RBBP5: variants seen among roughly 807,000 people sequenced by gnomAD.
RBBP5 encodes RB binding protein 5, histone lysine methyltransferase complex subunit.
In RBBP5, 5 loss-of-function variants were observed where a neutral mutation model predicts 72.2. The ratio of observed to expected loss-of-function variants is 0.07; its 90% confidence interval spans 0.04 to 0.15. The LOEUF is 0.15. RBBP5 is among the 10% of genes least tolerant of loss of function. RBBP5 has a pLI of 1.00. For synonymous variants in RBBP5, 209 were observed against 237.2 expected (o/e 0.88, Z 1.09); for missense variants, 322 against 652.2 (o/e 0.49, Z 5.51).
chr1:205,095,561 CA>C (rs1655579581), intron 12 of RBBP5, among the ~76,000 whole-genome samples: 1 of 152,076 alleles, frequency 6.6e-6, no homozygotes, highest in South Asian at 2.1e-4. Context: ...CTAATACTAT[CA>C]AACCAAGCCA....
At chr1:205,101,990 G>A (rs191351402) in intron 5 of RBBP5, among the ~76,000 whole-genome samples, 225 of 151,154 alleles carry the variant, frequency 1.5e-3, no homozygotes, top group African/African-American at 5.2e-3. Flanking sequence ...TCTGCCTCCT[G>A]GGTTCAAGCA....
Position 205,098,973 on chromosome 1 carries a change from A to G in RBBP5, c.1096+16T>C, listed in dbSNP as rs779147043. 1 of 1,471,148 alleles carries G rather than the reference A, an allele frequency of 6.8e-7. No homozygotes were observed. The highest frequency in any genetic ancestry group is 1.3e-5 in the South Asian group (1 of 75,354). The allele number at this position is 1,471,148 out of a possible 1,614,324, so 91.1% of individuals were successfully genotyped here. A position where few individuals can be genotyped will look rare whatever the true frequency, so the allele number is the denominator to read the frequency against. On this transcript the variant is annotated intron_variant, in intron 10 of 13. Transcript: ENST00000264515. The stretch of plus-strand genomic sequence containing the variant: ...TTTCCCTTTAGGAAATCCTGTCTGC[A>G]ATTTAGAAATAGTACCTGTCTGCTC...
chr1:205,099,640 C>T lies in RBBP5; in HGVS notation c.978+101G>A. ...TAATTTAGGTTGCGAGAATCATATG[C>T]AAAAGAAAATAAAAATGTAATTTTT... On this transcript the variant is annotated intron_variant, in intron 9 of 13. Coordinates refer to ENST00000264515, the MANE Select transcript of RBBP5 (RefSeq NM_005057.4). This position sits in a 1 kb window ranked among gnomAD's most constrained non-coding sequence, Gnocchi z 4.7. 7.9e-7 allele frequency: 1 copy of T among 1,265,698 alleles called. No individual in the cohort carries two copies. The highest frequency in any genetic ancestry group is 1.5e-5 in the African/African-American group (1 of 66,308). The allele number at this position is 1,265,698 out of a possible 1,614,324, so 78.4% of individuals were successfully genotyped here. A position where few individuals can be genotyped will look rare whatever the true frequency, so the allele number is the denominator to read the frequency against.
intron 13 of RBBP5, among the ~76,000 whole-genome samples, chr1:205,089,742 T>C (rs1655266739): frequency 6.6e-6 from 1 of 152,252 alleles, no homozygotes; most frequent in Non-Finnish European, 1.5e-5. Flanking sequence ...AAATCAAATT[T>C]AAACTTTTCC....
In RBBP5 at chr1:205,097,365, T is replaced by C; in HGVS notation, c.1127A>G (p.Asp376Gly). ...GADAAEDEEV[D>G]VTSVDPIAAF... ...AGCAATAGGGTCCACGCTGGTGACA[T>C]CCACTTCCTCATCTTCTGCAGCATC... The change falls in exon 11 of 14, where the codon GAT becomes GGT. Residue 376 changes from aspartate to glycine, a missense_variant. Physicochemically the swap from Asp to Gly is moderately conservative, Grantham distance 94. Transcript: ENST00000264515. 1 of 1,552,516 alleles carries C rather than the reference T, an allele frequency of 6.4e-7. No individual in the cohort carries two copies. The highest frequency in any genetic ancestry group is 8.7e-7 in the Non-Finnish European group (1 of 1,147,316).
At chr1:205,121,279 T>G (rs1656727217) in intron 1 of RBBP5, among the ~76,000 whole-genome samples, 1 of 152,194 alleles carries the variant, frequency 6.6e-6, no homozygotes, top group Non-Finnish European at 1.5e-5. Context: ...CACACCTCAG[T>G]GTTTTACACA....
At chr1:205,108,157 C>T (rs1379207070) in intron 3 of RBBP5, among the ~76,000 whole-genome samples, 1 of 151,440 alleles carries the variant, frequency 6.6e-6, no homozygotes, top group Non-Finnish European at 1.5e-5. Flanking sequence ...GCTGGAGAAT[C>T]ACTTGAACTT....
At chr1:205,109,364 T>C (rs928534581) in intron 3 of RBBP5, among the ~76,000 whole-genome samples, 1 of 152,066 alleles carries the variant, frequency 6.6e-6, no homozygotes, top group Non-Finnish European at 1.5e-5. Flanking sequence ...ATACACATTA[T>C]ATCAGAAATA....
rs936634975 is a variant in RBBP5 at position 205,087,807 on chromosome 1, T to C, written c.*980A>G. The C allele has an allele frequency of 6.6e-6, 1 of 152,488 alleles. No individual in the cohort carries two copies. Among genetic ancestry groups the C allele is most frequent in the Non-Finnish European group, 1.5e-5 (1 of 68,014 alleles). The allele number at this position is 152,488 out of a possible 1,614,324, so 9.4% of individuals were successfully genotyped here. ...ACACAGTAAGAAAAAGGAGCACAGG[T>C]ATAGGCAGGGAAAAATGCAATGACT... On this transcript the variant is annotated 3_prime_UTR_variant, in exon 14 of 14. Transcript: ENST00000264515.
At position 205,092,182 on chromosome 1, in the gene RBBP5, T is replaced by C. The variant is rs1327203508; in HGVS notation, c.1588+2691A>G. On this transcript the variant is annotated intron_variant, in intron 13 of 13. Transcript: ENST00000264515. ...TCTGTGATATCCAATTTCATCACTC[T>C]CCCCAAAATTTTCAACCTTCACAAA... is the stretch of plus-strand genomic sequence containing the variant. Among the ~76,000 whole-genome samples, 4 of 152,312 alleles carry C rather than the reference T, an allele frequency of 2.6e-5. No homozygotes were observed. In the East Asian group the frequency reaches 7.7e-4, roughly 29 times the overall value.
intron 12 of RBBP5, among the ~76,000 whole-genome samples, chr1:205,095,345 C>A (rs1457551737): frequency 7.0e-6 from 1 of 142,952 alleles, no homozygotes; most frequent in Non-Finnish European, 1.5e-5. Context: ...AACACAAATT[C>A]ATAAATTTTC....
intron 13 of RBBP5, among the ~76,000 whole-genome samples, chr1:205,092,414 G>T (rs1010335455): frequency 6.6e-6 from 1 of 151,860 alleles, no homozygotes; most frequent in African/African-American, 2.4e-5. Context: ...CTCCCCAAGT[G>T]CTGGGATTAC....
chr1:205,096,663 G>A lies in RBBP5; in HGVS notation c.1396+19C>T, dbSNP rs770185741. On this transcript the variant is annotated intron_variant, in intron 12 of 13. Coordinates refer to ENST00000264515, the MANE Select transcript of RBBP5 (RefSeq NM_005057.4). ...AAAGTGGCGTCTGCCAGGCCAGAGG[G>A]AGAAGATGTAGCTCTTACCATCATT... The A allele has an allele frequency of 3.0e-5, 48 of 1,606,900 alleles. No individual in the cohort carries two copies. The highest frequency in any genetic ancestry group is 5.4e-5 in the African/African-American group (4 of 74,644).
intron 13 of RBBP5, among the ~76,000 whole-genome samples, chr1:205,089,090 A>T (rs1159597382): frequency 6.6e-6 from 1 of 152,222 alleles, no homozygotes; most frequent in African/African-American, 2.4e-5. Context: ...ATTTTTTCTA[A>T]GCTGCTAACC....
Position 205,117,895 on chromosome 1 carries a change from T to C in RBBP5, c.20-2012A>G, listed in dbSNP as rs186567471. 1.1e-3 allele frequency among the ~76,000 whole-genome samples: 164 copies of C among 152,134 alleles called. 1 individual carries two copies. Among genetic ancestry groups the C allele is most frequent in the African/African-American group, 3.7e-3 (154 of 41,540 alleles). On this transcript the variant is annotated intron_variant, in intron 1 of 13. Transcript: ENST00000264515. ...AATGATGTTGGCTCCCTCCAACCTCTGCCTCACAGGTTTAAGTGATTCTCC... is the reference window on the plus strand; with the variant it reads ...AATGATGTTGGCTCCCTCCAACCTCCGCCTCACAGGTTTAAGTGATTCTCC...
chr1:205,105,798 C>T (rs1026251276), intron 3 of RBBP5, among the ~76,000 whole-genome samples: 2 of 152,154 alleles, frequency 1.3e-5, no homozygotes, highest in African/African-American at 2.4e-5. Flanking sequence ...CCAGTGGGCA[C>T]GCATAAAAAG....
intron 13 of RBBP5, among the ~76,000 whole-genome samples, chr1:205,090,918 C>T (rs1283419059): frequency 6.6e-6 from 1 of 151,486 alleles, no homozygotes; most frequent in East Asian, 1.9e-4. Flanking sequence ...AAAAAGAAAA[C>T]AAAACTACCA....
At chr1:205,118,330 G>A (rs546334316) in intron 1 of RBBP5, among the ~76,000 whole-genome samples, 15 of 152,112 alleles carry the variant, frequency 9.9e-5, no homozygotes, top group East Asian at 3.9e-4. Context: ...AGAAAATATC[G>A]GCCAGGTGCA....
chr1:205,120,922 C>T (rs1027513004), intron 1 of RBBP5, among the ~76,000 whole-genome samples: 1 of 152,094 alleles, frequency 6.6e-6, no homozygotes, highest in Non-Finnish European at 1.5e-5. Flanking sequence ...ATGACTCTTT[C>T]AGGCCTGCCT....
Sources: gnomAD v4.1 joint callset for allele counts (sites outside exome capture counted in the v4.1 genomes callset) on GRCh38, gnomAD v4.1.1 for gene constraint, Gnocchi (gnomAD v3.1) non-coding constraint, MANE v1.5 for transcripts, NCBI Gene and HGNC (gene_info 2026-07-23, HGNC 2026-07-21) for gene names.